ADGRB3: variants seen among roughly 807,000 people sequenced by gnomAD.
ADGRB3 encodes adhesion G protein-coupled receptor B3, also known as brain-specific angiogenesis inhibitor 3.
Under a neutral mutation model 193.4 loss-of-function variants are expected in ADGRB3, and 37 were observed. The observed-to-expected ratio is 0.19, with a 90% CI of 0.15 to 0.25. The LOEUF (loss-of-function observed/expected upper bound fraction) is 0.25. Among genes scored for constraint, ADGRB3 ranks in the 10% least tolerant of loss-of-function variants. The pLI is 1.00. For synonymous variants in ADGRB3, 690 were observed against 644.2 expected, an observed-to-expected ratio of 1.07 and a Z score of -1.08; for missense variants, 1,637 against 1,852.9, an observed-to-expected ratio of 0.88 and a Z score of 2.14.
At chr6:68,888,899 A>G (rs1765990570) in intron 3 of ADGRB3, among the ~76,000 whole-genome samples, 1 of 152,160 alleles carries the variant, frequency 6.6e-6, no homozygotes, top group South Asian at 2.1e-4. Context: ...AACTTATGTC[A>G]CTTCTTTACT....
At chr6:68,759,785 G>T (rs1766361854) in intron 3 of ADGRB3, among the ~76,000 whole-genome samples, 1 of 151,790 alleles carries the variant, frequency 6.6e-6, no homozygotes, top group African/African-American at 2.4e-5. Context: ...TCAAAAACAA[G>T]AAAGAAACTA....
At chr6:68,975,147 CTT>C (rs1768706840) in intron 9 of ADGRB3, 85 bp from the exon 10 acceptor site, 2 of 1,102,892 alleles carry the variant, frequency 1.8e-6, no homozygotes, top group African/African-American at 3.2e-5. Context: ...AAAGTACAAA[CTT>C]AATTTTTAGC....
intron 17 of ADGRB3, among the ~76,000 whole-genome samples, chr6:69,221,462 G>C (rs201350862): frequency 1.3e-5 from 2 of 152,126 alleles, no homozygotes; most frequent in East Asian, 3.9e-4. Flanking sequence ...TCTGGCAAAT[G>C]ACTGGCTGGC....
intron 17 of ADGRB3, among the ~76,000 whole-genome samples, chr6:69,112,431 G>A (rs1419159610): frequency 6.6e-6 from 1 of 152,106 alleles, no homozygotes; most frequent in East Asian, 1.9e-4. Context: ...AAAGGCTAGG[G>A]AATGTAGTCT....
At chr6:68,878,079 C>T (rs1220886840) in intron 3 of ADGRB3, among the ~76,000 whole-genome samples, 1 of 151,968 alleles carries the variant, frequency 6.6e-6, no homozygotes, top group African/African-American at 2.4e-5. Flanking sequence ...GTATGATTAA[C>T]TTTTTCATTA....
intron 3 of ADGRB3, among the ~76,000 whole-genome samples, chr6:68,782,705 G>A (rs1235627848): frequency 6.6e-6 from 1 of 152,072 alleles, no homozygotes; most frequent in Non-Finnish European, 1.5e-5. Context: ...GTTTTGATTT[G>A]CATTTCTCTG....
At chr6:69,269,938 G>A (rs1055707802) in intron 20 of ADGRB3, among the ~76,000 whole-genome samples, 3 of 152,084 alleles carry the variant, frequency 2.0e-5, no homozygotes, top group Non-Finnish European at 1.5e-5. Context: ...TAGTAAAAAT[G>A]TAAAATTAGA....
chr6:69,333,293 G>C (rs1459558584), intron 24 of ADGRB3, among the ~76,000 whole-genome samples: 1 of 152,186 alleles, frequency 6.6e-6, no homozygotes, highest in Non-Finnish European at 1.5e-5. Context: ...ACTTGCAATA[G>C]TTGTCGTTAG....
chr6:68,908,111 ATTATT>A (rs1351188448), intron 3 of ADGRB3, among the ~76,000 whole-genome samples: 1 of 151,974 alleles, frequency 6.6e-6, no homozygotes, highest in Non-Finnish European at 1.5e-5. Context: ...AAGACAATAA[ATTATT>A]TAATTAACTA....
intron 3 of ADGRB3, among the ~76,000 whole-genome samples, chr6:68,869,627 A>G (rs915637159): frequency 1.3e-5 from 2 of 152,238 alleles, no homozygotes; most frequent in African/African-American, 4.8e-5. Context: ...TAAAATGAGA[A>G]AAAGTCTATG....
At chr6:68,912,183 A>G (rs1370313517) in intron 3 of ADGRB3, among the ~76,000 whole-genome samples, 1 of 152,044 alleles carries the variant, frequency 6.6e-6, no homozygotes, top group African/African-American at 2.4e-5. Context: ...TTTAGGGTCT[A>G]TAGAGGACAC....
chr6:68,871,351 G>A (rs1441332320), intron 3 of ADGRB3, among the ~76,000 whole-genome samples: 1 of 152,160 alleles, frequency 6.6e-6, no homozygotes, highest in Non-Finnish European at 1.5e-5. Flanking sequence ...GGGGTAAAGT[G>A]TGAAGACTTG....
At chr6:68,727,474 T>C (rs78302176) in intron 3 of ADGRB3, among the ~76,000 whole-genome samples, 3,987 of 151,734 alleles carry the variant, frequency 0.026, 119 homozygotes, top group East Asian at 0.08. Flanking sequence ...GGTTGATTGT[T>C]TCTAAGCATC....
intron 10 of ADGRB3, among the ~76,000 whole-genome samples, chr6:68,983,758 T>C (rs1190211990): frequency 6.6e-6 from 1 of 152,026 alleles, no homozygotes; most frequent in Non-Finnish European, 1.5e-5. Context: ...TAATTACAAA[T>C]TCTTATATGT....
chr6:69,055,003 G>A (rs1771502582), intron 15 of ADGRB3, among the ~76,000 whole-genome samples: 1 of 152,048 alleles, frequency 6.6e-6, no homozygotes, highest in Non-Finnish European at 1.5e-5. Flanking sequence ...ATCTAAAAAT[G>A]GAAAAGGACT....
intron 3 of ADGRB3, among the ~76,000 whole-genome samples, chr6:68,812,722 C>T (rs947745417): frequency 5.3e-5 from 8 of 151,598 alleles, no homozygotes; most frequent in African/African-American, 1.7e-4. Flanking sequence ...ATGTGCAGAA[C>T]GTGCAGGTTT....
intron 3 of ADGRB3, among the ~76,000 whole-genome samples, chr6:68,775,494 G>GA (rs1012047916): frequency 7.2e-5 from 11 of 152,158 alleles, no homozygotes; most frequent in African/African-American, 2.4e-4. Flanking sequence ...CAGCTGGCCA[G>GA]AAAATGTTTT....
At chr6:69,079,847 C>T (rs1041807916) in intron 17 of ADGRB3, among the ~76,000 whole-genome samples, 21 of 152,014 alleles carry the variant, frequency 1.4e-4, no homozygotes, top group African/African-American at 3.4e-4. Context: ...TGAAGGACTA[C>T]GTTTGTTTTC....
chr6:69,135,532 T>C (rs148929237), intron 17 of ADGRB3, among the ~76,000 whole-genome samples: 140 of 152,182 alleles, frequency 9.2e-4, no homozygotes, highest in Admixed American at 1.4e-3. Flanking sequence ...TTTCTATGTA[T>C]GATTTTTTAA....
Sources: allele counts gnomAD v4.1 joint callset (sites outside exome capture counted in the v4.1 genomes callset), GRCh38; gene constraint gnomAD v4.1.1; transcripts MANE v1.5; gene names NCBI Gene and HGNC (gene_info 2026-07-23, HGNC 2026-07-21).